ALK: variants seen among roughly 807,000 people sequenced by gnomAD.
The protein encoded by ALK is ALK receptor tyrosine kinase.
A neutral mutation model predicts 163.1 loss-of-function variants in ALK; 74 were observed. The ratio of observed to expected loss-of-function variants is 0.45; its 90% CI spans 0.38 to 0.55. ALK has a LOEUF of 0.55. Among genes scored for constraint, ALK ranks in the 20% least tolerant of loss-of-function variants. ALK has a pLI of 0.00. For synonymous variants in ALK, 960 were observed against 843.2 expected, an observed-to-expected ratio of 1.14 and a Z score of -2.40; for missense variants, 2,063 against 2,105.3, an observed-to-expected ratio of 0.98 and a Z score of 0.39.
intron 4 of ALK, among the ~76,000 whole-genome samples, chr2:29,513,770 C>A (rs1196924718): frequency 6.8e-6 from 1 of 146,790 alleles, no homozygotes; most frequent in African/African-American, 2.5e-5. Context: ...GGCTAATATC[C>A]AGAATCTACA....
intron 3 of ALK, among the ~76,000 whole-genome samples, chr2:29,541,430 T>A (rs1186452407): frequency 1.3e-5 from 2 of 152,134 alleles, no homozygotes; most frequent in East Asian, 3.9e-4. Flanking sequence ...GTAGGTGGGA[T>A]TACAGGCTCA....
intron 3 of ALK, among the ~76,000 whole-genome samples, chr2:29,615,712 G>A (rs774311499): frequency 1.1e-4 from 17 of 152,250 alleles, no homozygotes; most frequent in African/African-American, 3.1e-4. Context: ...CTAATCTCAC[G>A]TCACCATGGC....
chr2:29,474,810 G>T (rs1671462989), intron 4 of ALK, among the ~76,000 whole-genome samples: 1 of 107,726 alleles, frequency 9.3e-6, no homozygotes, highest in African/African-American at 3.3e-5. Flanking sequence ...CGATATAAGT[G>T]GGGGAGAGGT....
chr2:29,638,405 T>G (rs2148243159), intron 3 of ALK, among the ~76,000 whole-genome samples: 1 of 151,978 alleles, frequency 6.6e-6, no homozygotes, highest in Middle Eastern at 3.4e-3. Flanking sequence ...AGCTCTCCAC[T>G]CAAGCAATCT....
chr2:29,828,168 G>A (rs753893034), intron 1 of ALK, among the ~76,000 whole-genome samples: 7 of 152,062 alleles, frequency 4.6e-5, no homozygotes, highest in Admixed American at 2.6e-4. Flanking sequence ...AAATTAATTC[G>A]AGATGGATTA....
chr2:29,476,932 G>A (rs963760237), intron 4 of ALK, among the ~76,000 whole-genome samples: 6 of 152,152 alleles, frequency 3.9e-5, no homozygotes, highest in Admixed American at 1.3e-4. Context: ...TGACACTGGA[G>A]CAGATTCAAG....
At chr2:29,804,948 C>T (rs1340627313) in intron 1 of ALK, among the ~76,000 whole-genome samples, 3 of 152,166 alleles carry the variant, frequency 2.0e-5, no homozygotes, top group African/African-American at 7.2e-5. Flanking sequence ...AATCACATAT[C>T]CCCCTTTCCC....
At chr2:29,564,449 C>CCT in intron 3 of ALK, among the ~76,000 whole-genome samples, 1 of 151,586 alleles carries the variant, frequency 6.6e-6, no homozygotes, top group Non-Finnish European at 1.5e-5. Context: ...CCACCCCCAC[C>CCT]GCCACCCTTG....
At chr2:29,717,444 C>T in intron 2 of ALK, 134 bp downstream of exon 2, 1 of 1,099,250 alleles carries the variant, frequency 9.1e-7, no homozygotes. Flanking sequence ...ACAGAGGGCT[C>T]AGAAAGACTT....
intron 1 of ALK, among the ~76,000 whole-genome samples, chr2:29,787,996 C>A (rs562449925): frequency 2.2e-4 from 34 of 152,256 alleles, no homozygotes; most frequent in African/African-American, 7.7e-4. Context: ...GAAAACACAT[C>A]ATCATTTGCA....
At chr2:29,802,756 G>GA (rs1382902189) in intron 1 of ALK, among the ~76,000 whole-genome samples, 1 of 149,412 alleles carries the variant, frequency 6.7e-6, no homozygotes, top group Non-Finnish European at 1.5e-5. Flanking sequence ...AAGGGGAAAA[G>GA]AAACAAAAGA....
At position 29,487,784 on chromosome 2, in the gene ALK, G is replaced by A. The variant is rs147358305; in HGVS notation, c.1154+44131C>T. On this transcript the variant is annotated intron_variant, in intron 4 of 28. Coordinates refer to ENST00000389048, the MANE Select transcript of ALK (RefSeq NM_004304.5). ...AATTTACCACCCATTTACTGAGCTA[G>A]TTGTCATTTTACCGAGACAGAACCA... Among the ~76,000 whole-genome samples, 370 of 152,248 alleles carry A rather than the reference G, an allele frequency of 2.4e-3. 3 individuals are homozygous for A. The highest frequency in any genetic ancestry group is 8.5e-3 in the African/African-American group (353 of 41,556).
intron 3 of ALK, among the ~76,000 whole-genome samples, chr2:29,628,368 G>C (rs1056395620): frequency 1.3e-5 from 2 of 152,048 alleles, no homozygotes; most frequent in Admixed American, 6.5e-5. Flanking sequence ...ATTAAAACAC[G>C]CTATATAGCT....
At chr2:29,805,377 T>C (rs191068532) in intron 1 of ALK, among the ~76,000 whole-genome samples, 2 of 152,344 alleles carry the variant, frequency 1.3e-5, no homozygotes, top group Admixed American at 6.5e-5. Flanking sequence ...GTGCAGGACA[T>C]GCAGATTTGT....
intron 3 of ALK, among the ~76,000 whole-genome samples, chr2:29,573,697 A>T (rs929508288): frequency 6.6e-6 from 1 of 152,176 alleles, no homozygotes; most frequent in Non-Finnish European, 1.5e-5. Context: ...CAAAACCTAA[A>T]ATATTTACTA....
chr2:29,219,316 T>C (rs899294237), intron 23 of ALK, among the ~76,000 whole-genome samples: 7 of 152,186 alleles, frequency 4.6e-5, no homozygotes, highest in Non-Finnish European at 7.4e-5. Flanking sequence ...TCTTAGATAC[T>C]GAGATGCGTC....
At chr2:29,584,085 G>T (rs573232044) in intron 3 of ALK, among the ~76,000 whole-genome samples, 1 of 152,088 alleles carries the variant, frequency 6.6e-6, no homozygotes, top group Non-Finnish European at 1.5e-5. Context: ...AAGTCAGGGG[G>T]TGTTCAAGAG....
At chr2:29,444,768 T>G (rs920281741) in intron 4 of ALK, among the ~76,000 whole-genome samples, 5 of 152,366 alleles carry the variant, frequency 3.3e-5, no homozygotes, top group Admixed American at 2.6e-4. Context: ...CTAAAAGTAC[T>G]GTGGCCCTAG....
chr2:29,702,230 AT>A (rs1283470441), intron 2 of ALK, among the ~76,000 whole-genome samples: 1 of 152,146 alleles, frequency 6.6e-6, no homozygotes, highest in African/African-American at 2.4e-5. Flanking sequence ...AAAAAAAGGC[AT>A]GGTATGCAAA....
Sources: gnomAD v4.1 joint callset for allele counts (sites outside exome capture counted in the v4.1 genomes callset) on GRCh38, gnomAD v4.1.1 for gene constraint, MANE v1.5 for transcripts, NCBI Gene and HGNC (gene_info 2026-07-23, HGNC 2026-07-21) for gene names.